The following SYN3 variants were observed in gnomAD, a reference collection of about 807,000 sequenced individuals.
SYN3 encodes synapsin-3.
A neutral mutation model predicts 65.8 loss-of-function variants in SYN3; 35 were observed. That is an observed-to-expected ratio of 0.53 (90% CI 0.41 to 0.70). The LOEUF (loss-of-function observed/expected upper bound fraction) is 0.70. Among genes scored for constraint, SYN3 ranks in the 30% least tolerant of loss-of-function variants. The pLI is 0.00. For synonymous variants in SYN3, 270 were observed against 292.9 expected, an observed-to-expected ratio of 0.92 and a Z score of 0.80; for missense variants, 680 against 749.0, an observed-to-expected ratio of 0.91 and a Z score of 1.08.
chr22:32,957,812 T>G (rs1400100563), intron 3 of SYN3, among the ~76,000 whole-genome samples: 2 of 152,210 alleles, frequency 1.3e-5, no homozygotes, highest in Admixed American at 1.3e-4. Flanking sequence ...CTGATCCCTT[T>G]TCCCTCAATA....
intron 3 of SYN3, among the ~76,000 whole-genome samples, chr22:32,950,929 C>T (rs191077527): frequency 6.6e-6 from 1 of 152,162 alleles, no homozygotes; most frequent in Admixed American, 6.5e-5. Flanking sequence ...CATTCCTGAG[C>T]CCTCTTGCAA....
chr22:32,661,951 A>G (rs12166565), intron 6 of SYN3, among the ~76,000 whole-genome samples: 12,315 of 152,192 alleles, frequency 0.081, 1,332 homozygotes, highest in African/African-American at 0.25. Flanking sequence ...GACAAAGGAT[A>G]ATTTTTTTCC....
intron 12 of SYN3, among the ~76,000 whole-genome samples, chr22:32,526,385 G>C (rs2057976526): frequency 1.3e-5 from 2 of 152,146 alleles, no homozygotes; most frequent in South Asian, 4.1e-4. Flanking sequence ...CTGTGGAAGA[G>C]GAAGCCATTT....
chr22:32,719,681 A>G (rs1192275981), intron 6 of SYN3, among the ~76,000 whole-genome samples: 1 of 152,124 alleles, frequency 6.6e-6, no homozygotes, highest in African/African-American at 2.4e-5. Flanking sequence ...CATCTCTCCA[A>G]AAAAACAAAA....
intron 6 of SYN3, chr22:32,857,481 T>G: frequency 3.8e-6 from 3 of 790,616 alleles, no homozygotes; most frequent in East Asian, 5.2e-5. Flanking sequence ...AAGGAGTCTC[T>G]AATGTTGAAT....
chr22:32,916,640 T>C (rs1353087168), intron 4 of SYN3, among the ~76,000 whole-genome samples: 2 of 152,204 alleles, frequency 1.3e-5, no homozygotes, highest in African/African-American at 4.8e-5. Flanking sequence ...GTGGGGTCTG[T>C]AGACCCCTGG....
intron 6 of SYN3, among the ~76,000 whole-genome samples, chr22:32,609,571 T>A (rs1364582114): frequency 6.6e-6 from 1 of 151,284 alleles, no homozygotes; most frequent in Non-Finnish European, 1.5e-5. Flanking sequence ...CAAACTCCTG[T>A]ACTCAAGTAA....
At chr22:32,682,832 T>C (rs533842252) in intron 6 of SYN3, among the ~76,000 whole-genome samples, 1 of 152,342 alleles carries the variant, frequency 6.6e-6, no homozygotes, top group South Asian at 2.1e-4. Context: ...AAGAAACTCT[T>C]GGAGAAGCCC....
chr22:32,570,536 T>G (rs2058745159), intron 7 of SYN3, among the ~76,000 whole-genome samples: 3 of 130,304 alleles, frequency 2.3e-5, no homozygotes, highest in African/African-American at 5.9e-5. Context: ...GATCTGGGAG[T>G]AGGGAAAGGG....
chr22:32,845,683 A>C (rs1022081279), intron 6 of SYN3, among the ~76,000 whole-genome samples: 1 of 152,110 alleles, frequency 6.6e-6, no homozygotes. Flanking sequence ...CTCCAGCATG[A>C]ATGGGAATAA....
chr22:32,992,982 T>C (rs1028020632), intron 2 of SYN3, among the ~76,000 whole-genome samples: 2 of 152,166 alleles, frequency 1.3e-5, no homozygotes, highest in African/African-American at 4.8e-5. Flanking sequence ...AAGCCTTCTT[T>C]TTGTGCAGTC....
In SYN3 at chr22:32,704,123, C is replaced by T. The variant is rs186865527; in HGVS notation, c.712-107387G>A. 1.1e-3 allele frequency among the ~76,000 whole-genome samples: 168 copies of T among 152,138 alleles called. 2 individuals are homozygous for T. The highest frequency in any genetic ancestry group is 5.0e-4 in the Non-Finnish European group (34 of 68,004). ...TATGCAGGTTTGTTATATAGGTATA[C>T]TCGTGTCACAGGGGTTTATGTACAG... On this transcript the variant is annotated intron_variant, in intron 6 of 13. Transcript: ENST00000358763.
intron 7 of SYN3, among the ~76,000 whole-genome samples, chr22:32,544,756 G>A (rs1171946944): frequency 6.6e-6 from 1 of 152,168 alleles, no homozygotes. Flanking sequence ...TTGCCAAAAT[G>A]AAAGAATCGG....
At position 33,018,460 on chromosome 22, in the gene SYN3, C is replaced by A. The variant is rs115462199; in HGVS notation, c.-162-11636G>T. Among the ~76,000 whole-genome samples the A allele has an allele frequency of 7.9e-3, 1,196 of 152,200 alleles. 22 individuals carry two copies. The highest frequency in any genetic ancestry group is 0.028 in the African/African-American group (1,160 of 41,526). ...CCACTAGAGGGCAGGAGTGACCAGA[C>A]CAGACAGAAAAAGAGACTTTATAAG... On this transcript the variant is annotated intron_variant, in intron 1 of 13. Transcript: ENST00000358763.
intron 1 of SYN3, among the ~76,000 whole-genome samples, chr22:33,033,586 T>C (rs2053794366): frequency 6.6e-6 from 1 of 152,136 alleles, no homozygotes; most frequent in South Asian, 2.1e-4. Flanking sequence ...CTCAGCCCCC[T>C]AGTCTCACTG....
intron 7 of SYN3, among the ~76,000 whole-genome samples, chr22:32,579,643 C>T (rs1359212050): frequency 6.6e-6 from 1 of 152,152 alleles, no homozygotes; most frequent in Admixed American, 6.5e-5. Flanking sequence ...TTCTCAAAAG[C>T]CTTTGCCCCT....
chr22:32,605,159 G>A (rs59178281), intron 6 of SYN3, among the ~76,000 whole-genome samples: 6,095 of 152,082 alleles, frequency 0.04, 388 homozygotes, highest in African/African-American at 0.14. Flanking sequence ...GACAGTAAGC[G>A]CGTTTGTTGA....
chr22:32,830,167 T>C (rs1022268640), intron 6 of SYN3, among the ~76,000 whole-genome samples: 2 of 152,208 alleles, frequency 1.3e-5, no homozygotes, highest in African/African-American at 4.8e-5. Flanking sequence ...TTCTCTCTTC[T>C]TGGAACCCCT....
Position 32,513,778 on chromosome 22 carries a change from G to A in SYN3, c.1657C>T (p.Gln553Ter). The change falls in exon 14 of 14, where the codon CAG (glutamine) becomes TAG (stop). Residue 553 changes from glutamine (Q) to a stop codon, truncating the protein, a stop_gained. Transcript: ENST00000358763. LOFTEE classifies it high-confidence loss of function. ...TNSLSTSDTS[Q>*]RGTPSEDEAK... Reference sequence around the variant, plus strand: ...TCGTCTTCACTTGGGGTCCCACGCTGGGAGGTGTCGGATGTGCTGAGGCTG... The same window carrying A: ...TCGTCTTCACTTGGGGTCCCACGCTAGGAGGTGTCGGATGTGCTGAGGCTG... 1 of 1,614,218 alleles carries A rather than the reference G, an allele frequency of 6.2e-7. No individual in the cohort carries two copies. Among genetic ancestry groups the A allele is most frequent in the Non-Finnish European group, 8.5e-7 (1 of 1,180,048 alleles).
Sources: gnomAD v4.1 joint callset for allele counts (sites outside exome capture counted in the v4.1 genomes callset) on GRCh38, gnomAD v4.1.1 for gene constraint, MANE v1.5 for transcripts, NCBI Gene and HGNC (gene_info 2026-07-23, HGNC 2026-07-21) for gene names.